The following HPS5 variants were observed in gnomAD, a reference collection of about 807,000 sequenced individuals.
The protein encoded by HPS5 is HPS5 biogenesis of lysosomal organelles complex 2 subunit 2.
A neutral mutation model predicts 128.0 loss-of-function variants in HPS5; 83 were observed. The observed-to-expected ratio is 0.65, with a 90% CI of 0.54 to 0.78. HPS5 has a LOEUF of 0.78. Among genes scored for constraint, HPS5 ranks in the 30% least tolerant of loss-of-function variants. The pLI is 0.00. For missense variants in HPS5, 1,281 were observed against 1,326.2 expected, an observed-to-expected ratio of 0.97 and a Z score of 0.53; for synonymous variants, 475 against 470.2, an observed-to-expected ratio of 1.01 and a Z score of -0.13.
Position 18,297,544 on chromosome 11 carries a change from G to A in HPS5, c.1323+15C>T, listed in dbSNP as rs1178831297. 3 of 1,610,984 alleles carry A rather than the reference G, an allele frequency of 1.9e-6. No individual in the cohort carries two copies. Among genetic ancestry groups the A allele is most frequent in the Non-Finnish European group, 2.5e-6 (3 of 1,178,040 alleles). On this transcript the variant is annotated intron_variant, in intron 11 of 22. Transcript: ENST00000349215. ...ATCTTACCCTACAAAATCCTTTAAA[G>A]GTGAGAATACTTACATGTGATGAAA...
Position 18,300,843 on chromosome 11 carries a change from AAAG to A in HPS5, c.967_969del (p.Leu323del), listed in dbSNP as rs779700200. The A allele has an allele frequency of 2.0e-5, 31 of 1,571,360 alleles. No individual in the cohort carries two copies. The highest frequency in any genetic ancestry group is 2.5e-5 in the Non-Finnish European group (28 of 1,141,322). On this transcript the variant is annotated inframe_deletion, in exon 9 of 23. Coordinates refer to ENST00000349215, the MANE Select transcript of HPS5 (RefSeq NM_181507.2). The stretch of plus-strand genomic sequence containing the variant: ...ATATAATTACCTTTGACTTCACTCC[AAAG>A]AAGAACTTGAACATTCTGAGGAATG...
chr11:18,296,769 C>G lies in HPS5; in HGVS notation c.1510+29G>C, dbSNP rs768161462. Reference sequence around the variant, plus strand: ...CTCGTGGAAAATAATGGCTTCACATCAGGAACCAACAACAGACACATTCAT... The same window carrying G: ...CTCGTGGAAAATAATGGCTTCACATGAGGAACCAACAACAGACACATTCAT... On this transcript the variant is annotated intron_variant, in intron 12 of 22. Coordinates refer to ENST00000349215, the MANE Select transcript of HPS5 (RefSeq NM_181507.2). 6.8e-6 allele frequency: 11 copies of G among 1,606,836 alleles called. No individual in the cohort carries two copies. In the South Asian group the frequency reaches 1.2e-4, roughly 18 times the overall value.
In HPS5 at chr11:18,292,947, G is replaced by A. The variant is rs985043512; in HGVS notation, c.1814C>T (p.Pro605Leu). ...EEEKEVTSPP[P>L]EEDRFQELKV... The stretch of plus-strand genomic sequence containing the variant: ...AAGCTCCTGGAACCTGTCTTCTTCT[G>A]GAGGTGGACTAGTTACCTCTTTTTC... Residue 605 changes from proline (P) to leucine (L), a missense_variant, in exon 15 of 23, where the codon CCA becomes CTA. Coordinates refer to ENST00000349215, the MANE Select transcript of HPS5 (RefSeq NM_181507.2). 5 of 1,613,886 alleles carry A rather than the reference G, an allele frequency of 3.1e-6. No individual in the cohort carries two copies. Among genetic ancestry groups the A allele is most frequent in the Middle Eastern group, 1.6e-4 (1 of 6,084 alleles).
chr11:18,282,245 G>A (rs1051329375), intron 21 of HPS5, 25 bp from the exon 22 acceptor site: 7 of 1,613,362 alleles, frequency 4.3e-6, no homozygotes, highest in Admixed American at 3.3e-5. Context: ...GGAAGTGTCA[G>A]TTTGACCACT....
chr11:18,307,362 CT>C (rs1331481294), intron 6 of HPS5, among the ~76,000 whole-genome samples: 1 of 152,130 alleles, frequency 6.6e-6, no homozygotes, highest in Non-Finnish European at 1.5e-5. Flanking sequence ...ATTTGCTTTA[CT>C]TTAAGAACAT....
At chr11:18,298,581 A>T (rs1305976146) in intron 10 of HPS5, among the ~76,000 whole-genome samples, 1 of 152,068 alleles carries the variant, frequency 6.6e-6, no homozygotes, top group Non-Finnish European at 1.5e-5. Flanking sequence ...TTTGTATGTA[A>T]ATTTGATGTT....
intron 16 of HPS5, among the ~76,000 whole-genome samples, chr11:18,288,221 A>G (rs1243911349): frequency 6.6e-6 from 1 of 152,226 alleles, no homozygotes; most frequent in Non-Finnish European, 1.5e-5. Flanking sequence ...TCTAATTGGG[A>G]GGCAAAGCAT....
At chr11:18,313,219 A>AG (rs903663248) in intron 2 of HPS5, among the ~76,000 whole-genome samples, 1 of 151,428 alleles carries the variant, frequency 6.6e-6, no homozygotes, top group Non-Finnish European at 1.5e-5. Flanking sequence ...ATACTTATTG[A>AG]GGGAAAAAAA....
In HPS5 at chr11:18,287,687, C is replaced by A; in HGVS notation, c.2565G>T (p.Leu855Phe). The change falls in exon 18 of 23, where the codon TTG becomes TTT. Residue 855 changes from leucine to phenylalanine, a missense_variant. By Grantham distance (22) the Leu-to-Phe change is conservative (BLOSUM62 0). Transcript: ENST00000349215. ...GAGCAGACTCCCCAAACTTTTCATA[C>A]AACCTGCATTTAAAAACAAAACACT... ...SPLLVVYATR[L>F]YEKFGESALR... is the part of the protein sequence containing the mutation. The A allele has an allele frequency of 6.2e-7, 1 of 1,614,112 alleles. No homozygotes were observed. The highest frequency in any genetic ancestry group is 8.5e-7 in the Non-Finnish European group (1 of 1,179,976).
At position 18,285,365 on chromosome 11, in the gene HPS5, C is replaced by T; in HGVS notation, c.2932G>A (p.Asp978Asn). 1.9e-6 allele frequency: 3 copies of T among 1,610,340 alleles called. No individual in the cohort carries two copies. The highest frequency in any genetic ancestry group is 1.7e-6 in the Non-Finnish European group (2 of 1,176,760). Residue 978 changes from aspartate (D) to asparagine (N), a missense_variant, in exon 20 of 23, where the codon GAC becomes AAC. Coordinates refer to ENST00000349215, the MANE Select transcript of HPS5 (RefSeq NM_181507.2). ...ACTTACCCACAAGACCTGCAGATGT[C>T]TGTCATTTTCTCTTTGGTTATAAAA... is the stretch of plus-strand genomic sequence containing the variant. ...ADFITKEKMT[D>N]ICRSCGFWPG...
chr11:18,308,561 T>G (rs1439490212), intron 6 of HPS5, among the ~76,000 whole-genome samples: 2 of 152,174 alleles, frequency 1.3e-5, no homozygotes, highest in African/African-American at 4.8e-5. Context: ...ATGCCTATAA[T>G]CCAAGCCCTT....
chr11:18,287,675 A>G lies in HPS5; in HGVS notation c.2577T>C (p.Phe859=), dbSNP rs1311079292. ...TTAAGGATCGAAGAGCAGACTCCCC[A>G]AACTTTTCATACAACCTGCATTTAA... The part of the protein sequence containing the change: ...VVYATRLYEK[F]GESALRSLIK... Residue 859 remains phenylalanine (F), a synonymous_variant, in exon 18 of 23, where the codon TTT becomes TTC. Coordinates refer to ENST00000349215, the MANE Select transcript of HPS5 (RefSeq NM_181507.2). The G allele has an allele frequency of 6.2e-7, 1 of 1,614,062 alleles. No individual in the cohort carries two copies. The highest frequency in any genetic ancestry group is 2.2e-5 in the East Asian group (1 of 44,888).
chr11:18,315,118 T>C (rs1863463100), intron 2 of HPS5, among the ~76,000 whole-genome samples: 2 of 152,196 alleles, frequency 1.3e-5, no homozygotes, highest in South Asian at 2.1e-4. Flanking sequence ...ATGACCTTAG[T>C]ATAACTACAT....
At chr11:18,308,278 T>C (rs537494281) in intron 6 of HPS5, among the ~76,000 whole-genome samples, 23 of 152,362 alleles carry the variant, frequency 1.5e-4, no homozygotes, top group African/African-American at 5.5e-4. Context: ...TTATTTTTCA[T>C]CCAATTTTAC....
At chr11:18,318,761 A>T (rs1863939966) in intron 1 of HPS5, among the ~76,000 whole-genome samples, 2 of 152,342 alleles carry the variant, frequency 1.3e-5, no homozygotes, top group South Asian at 4.1e-4. Flanking sequence ...TGAACTGTTT[A>T]TACATTCTTG....
At chr11:18,283,009 C>T (rs970945988) in intron 21 of HPS5, among the ~76,000 whole-genome samples, 3 of 152,028 alleles carry the variant, frequency 2.0e-5, no homozygotes, top group South Asian at 2.1e-4. Context: ...TTTTCTTTTC[C>T]TTTTTGTTTT....
intron 8 of HPS5, among the ~76,000 whole-genome samples, 178 bp from the exon 9 acceptor site, chr11:18,301,094 TAATA>T (rs779149974): frequency 6.6e-6 from 1 of 152,180 alleles, no homozygotes; most frequent in Non-Finnish European, 1.5e-5. Flanking sequence ...AACAGCCCAC[TAATA>T]AATAGCATAA....
At chr11:18,292,781 C>T in intron 15 of HPS5, 118 bp downstream of exon 15, 2 of 817,844 alleles carry the variant, frequency 2.4e-6, no homozygotes, top group Non-Finnish European at 4.2e-6. Context: ...TTTATAGCAA[C>T]TTCTCTAATC....
intron 8 of HPS5, among the ~76,000 whole-genome samples, chr11:18,303,854 T>TAA (rs558254205): frequency 5.8e-4 from 74 of 127,006 alleles, no homozygotes; most frequent in Non-Finnish European, 5.3e-4. Context: ...ACTCCGTCTC[T>TAA]AAAAAAAAAA....
Sources: allele counts gnomAD v4.1 joint callset (sites outside exome capture counted in the v4.1 genomes callset), GRCh38; gene constraint gnomAD v4.1.1; transcripts MANE v1.5; gene names NCBI Gene and HGNC (gene_info 2026-07-23, HGNC 2026-07-21).